The following EXOC6B variants were observed in gnomAD, a reference collection of about 807,000 sequenced individuals.
The protein encoded by EXOC6B is SEC15 homolog B.
EXOC6B carries 54 observed loss-of-function variants against 113.5 expected under a neutral mutation model. The ratio of observed to expected loss-of-function variants is 0.48; its 90% CI spans 0.38 to 0.60. The LOEUF is 0.60. Among genes scored for constraint, EXOC6B ranks in the 20% least tolerant of loss-of-function variants. EXOC6B has a pLI of 0.00. For synonymous variants in EXOC6B, 357 were observed against 339.0 expected (o/e 1.05, Z -0.58); for missense variants, 797 against 977.5 (o/e 0.82, Z 2.46).
intron 6 of EXOC6B, among the ~76,000 whole-genome samples, chr2:72,671,773 AAGAAAGAAAGAAAG>A (rs1473032070): frequency 1.9e-5 from 2 of 105,016 alleles, no homozygotes; most frequent in African/African-American, 4.5e-5. Context: ...GAAAGAAAGA[AAGAAAGAAAGAAAG>A]AAAGAAAGAA....
intron 2 of EXOC6B, 22 bp downstream of exon 2, chr2:72,741,282 G>C (rs147546721): frequency 2.8e-5 from 44 of 1,598,976 alleles, no homozygotes; most frequent in Admixed American, 3.6e-5. Context: ...CGGAGAAACA[G>C]TATCTCTTAG....
At chr2:72,788,491 G>C (rs1573798933) in intron 1 of EXOC6B, among the ~76,000 whole-genome samples, 3 of 152,206 alleles carry the variant, frequency 2.0e-5, no homozygotes, top group Admixed American at 2.0e-4. Flanking sequence ...ATATCCTTCA[G>C]GAATATCAAG....
intron 6 of EXOC6B, among the ~76,000 whole-genome samples, chr2:72,650,880 T>TAA (rs60060107): frequency 6.7e-5 from 9 of 133,770 alleles, no homozygotes; most frequent in African/African-American, 2.2e-4. Context: ...TGGCAGTTTC[T>TAA]AAAAAAAAAA....
At chr2:72,358,190 C>T (rs1266231013) in intron 19 of EXOC6B, among the ~76,000 whole-genome samples, 2 of 151,986 alleles carry the variant, frequency 1.3e-5, no homozygotes, top group African/African-American at 2.4e-5. Context: ...GTTCTGTCAC[C>T]TGTAAAGCAT....
intron 17 of EXOC6B, among the ~76,000 whole-genome samples, chr2:72,467,074 G>T (rs542509816): frequency 1.3e-5 from 2 of 152,212 alleles, no homozygotes; most frequent in African/African-American, 2.4e-5. Context: ...CTACACATGA[G>T]ATCATGCATA....
intron 2 of EXOC6B, among the ~76,000 whole-genome samples, chr2:72,738,218 A>G (rs913891555): frequency 6.6e-6 from 1 of 152,140 alleles, no homozygotes; most frequent in African/African-American, 2.4e-5. Context: ...TCATGTTCTC[A>G]TGCATGTATA....
chr2:72,266,143 TC>T (rs1684067845), intron 20 of EXOC6B, among the ~76,000 whole-genome samples: 1 of 152,114 alleles, frequency 6.6e-6, no homozygotes, highest in South Asian at 2.1e-4. Flanking sequence ...CATTGTAGAT[TC>T]TGGATATTAG....
intron 18 of EXOC6B, among the ~76,000 whole-genome samples, chr2:72,382,408 A>G (rs777364145): frequency 2.6e-5 from 4 of 152,178 alleles, no homozygotes; most frequent in Admixed American, 1.3e-4. Flanking sequence ...TTTTTGTACC[A>G]GTACCATGCT....
chr2:72,599,889 C>CA (rs147432110), intron 6 of EXOC6B, among the ~76,000 whole-genome samples: 153 of 141,416 alleles, frequency 1.1e-3, no homozygotes, highest in African/African-American at 1.4e-3. Flanking sequence ...TTAAAAAGAC[C>CA]AAAAAAAAAA....
intron 1 of EXOC6B, among the ~76,000 whole-genome samples, chr2:72,788,730 C>T (rs987996064): frequency 6.6e-6 from 1 of 152,126 alleles, no homozygotes; most frequent in East Asian, 1.9e-4. Context: ...CCTAGGAGGT[C>T]GAAGCTGCAA....
At chr2:72,495,367 A>G in intron 15 of EXOC6B, 63 bp downstream of exon 15, 1 of 919,228 alleles carries the variant, frequency 1.1e-6, no homozygotes. Context: ...GTTTTTCAGA[A>G]TATGTAAATA....
intron 19 of EXOC6B, among the ~76,000 whole-genome samples, chr2:72,345,101 G>A (rs1283918340): frequency 6.6e-6 from 1 of 152,090 alleles, no homozygotes; most frequent in Non-Finnish European, 1.5e-5. Context: ...TTGAGGATGG[G>A]TAGCTATTAG....
chr2:72,546,428 C>T (rs567270348), intron 8 of EXOC6B, among the ~76,000 whole-genome samples: 12 of 151,802 alleles, frequency 7.9e-5, no homozygotes, highest in South Asian at 4.2e-4. Flanking sequence ...GGCGACAGAG[C>T]GAGACTCCAT....
At chr2:72,808,939 G>C (rs931008480) in intron 1 of EXOC6B, among the ~76,000 whole-genome samples, 15 of 151,966 alleles carry the variant, frequency 9.9e-5, no homozygotes, top group African/African-American at 3.6e-4. Flanking sequence ...AGCTGGGTGT[G>C]GTATAGTCAC....
intron 6 of EXOC6B, among the ~76,000 whole-genome samples, chr2:72,695,913 A>C (rs1030160815): frequency 5.9e-5 from 9 of 152,214 alleles, no homozygotes; most frequent in African/African-American, 2.2e-4. Context: ...ACTAATGGAC[A>C]TAACAATACC....
At chr2:72,443,053 G>A (rs189960683) in intron 18 of EXOC6B, among the ~76,000 whole-genome samples, 11 of 152,184 alleles carry the variant, frequency 7.2e-5, no homozygotes, top group Admixed American at 3.3e-4. Context: ...TAGGCAGGGC[G>A]CGGTGCCTCA....
intron 1 of EXOC6B, among the ~76,000 whole-genome samples, chr2:72,775,191 C>G (rs1009776974): frequency 5.3e-5 from 8 of 152,118 alleles, no homozygotes; most frequent in Non-Finnish European, 1.2e-4. Context: ...TATGATTGAT[C>G]AAATCACTGG....
intron 1 of EXOC6B, among the ~76,000 whole-genome samples, chr2:72,819,493 TCTC>T (rs1686466374): frequency 6.6e-6 from 1 of 151,982 alleles, no homozygotes; most frequent in Admixed American, 6.6e-5. Context: ...TTATTTCCTA[TCTC>T]CTCCTCCTTT....
chr2:72,630,018 T>G (rs1273076622), intron 6 of EXOC6B, among the ~76,000 whole-genome samples: 1 of 152,222 alleles, frequency 6.6e-6, no homozygotes, highest in East Asian at 1.9e-4. Flanking sequence ...TTATAATTTC[T>G]TCTTGTCCTT....
Sources: allele counts gnomAD v4.1 joint callset (sites outside exome capture counted in the v4.1 genomes callset), GRCh38; gene constraint gnomAD v4.1.1; transcripts MANE v1.5; gene names NCBI Gene and HGNC (gene_info 2026-07-23, HGNC 2026-07-21).